TJP3: variants seen among roughly 807,000 people sequenced by gnomAD.
TJP3 encodes tight junction protein 3.
TJP3 carries 85 observed loss-of-function variants against 104.2 expected under a neutral mutation model. The observed-to-expected ratio is 0.82, with a 90% confidence interval of 0.68 to 0.98. The LOEUF (loss-of-function observed/expected upper bound fraction) is 0.98. TJP3 is among the 50% of genes least tolerant of loss of function. The probability of loss-of-function intolerance (pLI) is 0.00; values close to 1 mark genes in which losing one functional copy is unlikely to be tolerated. For missense variants in TJP3, 1,367 were observed against 1,322.8 expected (o/e 1.03, Z -0.52); for synonymous variants, 550 against 550.6 (o/e 1.00, Z 0.02).
At chr19:3,728,552 C>A (rs754359728) in intron 2 of TJP3, 52 bp from the exon 3 acceptor site, 225 of 1,599,290 alleles carry the variant, frequency 1.4e-4, no homozygotes, top group Non-Finnish European at 1.8e-4. Context: ...AGAGGGGAGA[C>A]CCTTTACCCT....
rs775639099 is a variant in TJP3 at position 3,730,687 on chromosome 19, G to A, written c.594G>A (p.Val198=). The A allele has an allele frequency of 2.5e-6, 4 of 1,608,674 alleles. No individual in the cohort carries two copies. Among genetic ancestry groups the A allele is most frequent in the South Asian group, 1.1e-5 (1 of 91,078 alleles). The change falls in exon 5 of 21, where the codon GTG becomes GTA. Residue 198 remains valine, a synonymous_variant. Coordinates refer to ENST00000541714, the MANE Select transcript of TJP3 (RefSeq NM_001267560.2). The surrounding 1 kb of genome is among the most constrained non-coding windows in gnomAD (Gnocchi z 7.3). ...VQMKPVKSVL[V]KRRDSEEFGV... Reference sequence around the variant, plus strand: ...TGAAGCCTGTGAAGTCAGTGCTGGTGAAGAGGAGAGACAGCGAAGGTCAGA... The same window carrying A: ...TGAAGCCTGTGAAGTCAGTGCTGGTAAAGAGGAGAGACAGCGAAGGTCAGA...
chr19:3,728,518 A>G (rs1183838781), intron 2 of TJP3, 38 bp downstream of exon 2: 2 of 1,601,788 alleles, frequency 1.2e-6, no homozygotes, highest in South Asian at 2.2e-5. Flanking sequence ...GCCAGAGAGT[A>G]TGGCGGCTTA....
chr19:3,730,800 C>T lies in TJP3; in HGVS notation c.613+94C>T, dbSNP rs2036662358. ...GTTTCAAGTGATTCTCCTGCCTCAG[C>T]CTCCCTGGTGGCTGGGACTCCAGGC... On this transcript the variant is annotated intron_variant, in intron 5 of 20. Transcript: ENST00000541714. This position sits in a 1 kb window ranked among gnomAD's most constrained non-coding sequence, Gnocchi z 7.3. 7.3e-7 allele frequency: 1 copy of T among 1,368,498 alleles called. No individual in the cohort carries two copies. Among genetic ancestry groups the T allele is most frequent in the Non-Finnish European group, 9.7e-7 (1 of 1,025,846 alleles). 84.8% of individuals were successfully genotyped at this position (1,368,498 alleles called of 1,614,324 possible). A position where few individuals can be genotyped will look rare whatever the true frequency, so the allele number is the denominator to read the frequency against.
chr19:3,748,515 G>A (rs895496340), intron 19 of TJP3, among the ~76,000 whole-genome samples: 9 of 150,142 alleles, frequency 6.0e-5, no homozygotes, highest in East Asian at 2.0e-4. Context: ...TAATCCACCC[G>A]CCTTGGCCTC....
intron 3 of TJP3, among the ~76,000 whole-genome samples, chr19:3,729,225 C>T (rs1026376827): frequency 6.6e-6 from 1 of 151,980 alleles, no homozygotes; most frequent in African/African-American, 2.4e-5. Context: ...GGCCCCAGAG[C>T]CCTTTTGGAA....
chr19:3,742,737 G>C (rs1306089931), intron 14 of TJP3, among the ~76,000 whole-genome samples: 10 of 35,542 alleles, frequency 2.8e-4, no homozygotes, highest in Non-Finnish European at 4.7e-4. Flanking sequence ...TTTGGGAGGT[G>C]GGTGGATCAC....
intron 1 of TJP3, among the ~76,000 whole-genome samples, chr19:3,719,009 C>A (rs950656408): frequency 6.6e-6 from 1 of 151,830 alleles, no homozygotes; most frequent in African/African-American, 2.4e-5. Flanking sequence ...CATGGTGAAA[C>A]CCCGTCTCTA....
intron 19 of TJP3, 40 bp downstream of exon 19, chr19:3,748,121 G>A (rs1051812795): frequency 3.2e-5 from 48 of 1,506,760 alleles, no homozygotes; most frequent in African/African-American, 1.1e-4. Flanking sequence ...AAGGGTCTCC[G>A]GAGGGGATGC....
intron 1 of TJP3, among the ~76,000 whole-genome samples, chr19:3,710,751 G>A (rs1200009562): frequency 1.3e-5 from 2 of 151,998 alleles, no homozygotes; most frequent in African/African-American, 4.8e-5. Flanking sequence ...CCAGGCCTTG[G>A]AGATTCAGCA....
intron 1 of TJP3, among the ~76,000 whole-genome samples, chr19:3,711,853 T>C (rs973757658): frequency 2.0e-5 from 3 of 152,254 alleles, no homozygotes; most frequent in Non-Finnish European, 4.4e-5. Flanking sequence ...CTTTCTTTTT[T>C]TTAAAAATTG....
In TJP3 at chr19:3,734,423, C is replaced by G. The variant is rs774512601; in HGVS notation, c.974C>G (p.Thr325Ser). Residue 325 changes from threonine (T) to serine (S), a missense_variant, in exon 8 of 21, where the codon ACC becomes AGC. Physicochemically the swap from Thr to Ser is moderately conservative, Grantham distance 58. Coordinates refer to ENST00000541714, the MANE Select transcript of TJP3 (RefSeq NM_001267560.2). Reference protein sequence around the residue: ...HAQRSPEASQTDSPVESPRLR... With the variant: ...HAQRSPEASQSDSPVESPRLR... ...CAGCGGAGCCCCGAGGCCAGCCAGA[C>G]CGACTCTCCCGTGTAAGTATCACCC... The G allele has an allele frequency of 5.8e-5, 93 of 1,608,166 alleles. No homozygotes were observed. The highest frequency in any genetic ancestry group is 7.2e-5 in the Non-Finnish European group (85 of 1,178,258).
chr19:3,714,458 G>A (rs991837520), intron 1 of TJP3, among the ~76,000 whole-genome samples: 20 of 151,694 alleles, frequency 1.3e-4, no homozygotes, highest in African/African-American at 4.6e-4. Context: ...GATTACAGAT[G>A]TGAGCCACCG....
chr19:3,747,728 G>C, intron 18 of TJP3, 66 bp from the exon 19 acceptor site: 2 of 1,454,072 alleles, frequency 1.4e-6, no homozygotes, highest in Non-Finnish European at 1.8e-6. Flanking sequence ...GAAGGTGGGG[G>C]GATGTCGTGG....
At chr19:3,727,290 G>T (rs2036609416) in intron 1 of TJP3, among the ~76,000 whole-genome samples, 1 of 151,896 alleles carries the variant, frequency 6.6e-6, no homozygotes, top group Non-Finnish European at 1.5e-5. Flanking sequence ...AGACCAGCCT[G>T]GCCAACATAG....
In TJP3 at chr19:3,750,766, C is replaced by G. The variant is rs958423363; in HGVS notation, c.*82C>G. ...CAGTTTCCCATACAGAACCCACAACCTTACCTCCCTCCGCCTGGTCTTTAA... is the reference window on the plus strand; with the variant it reads ...CAGTTTCCCATACAGAACCCACAACGTTACCTCCCTCCGCCTGGTCTTTAA... On this transcript the variant is annotated 3_prime_UTR_variant, in exon 21 of 21. Transcript: ENST00000541714. 8.2e-7 allele frequency: 1 copy of G among 1,225,778 alleles called. No homozygotes were observed. Among genetic ancestry groups the G allele is most frequent in the Non-Finnish European group, 1.2e-6 (1 of 854,098 alleles). 75.9% of individuals were successfully genotyped at this position (1,225,778 alleles called of 1,614,324 possible). A position where few individuals can be genotyped will look rare whatever the true frequency, so the allele number is the denominator to read the frequency against.
At chr19:3,734,847 G>A (rs1384604783) in intron 8 of TJP3, among the ~76,000 whole-genome samples, 1 of 152,132 alleles carries the variant, frequency 6.6e-6, no homozygotes, top group African/African-American at 2.4e-5. Flanking sequence ...TCAGCTACTT[G>A]GGAGGCTGAG....
intron 1 of TJP3, among the ~76,000 whole-genome samples, chr19:3,718,468 G>T (rs8105616): frequency 0.63 from 87,706 of 139,566 alleles, 28,077 homozygotes; most frequent in East Asian, 0.95. Context: ...TTTTTTTTTT[G>T]GGGTGGTGGG....
In TJP3 at chr19:3,735,939, T is replaced by G; in HGVS notation, c.1127+4T>G. 6.2e-7 allele frequency: 1 copy of G among 1,614,102 alleles called. No individual in the cohort carries two copies. The highest frequency in any genetic ancestry group is 8.5e-7 in the Non-Finnish European group (1 of 1,180,006). On this transcript the variant is annotated splice_donor_region_variant and intron_variant, in intron 10 of 20. Coordinates refer to ENST00000541714, the MANE Select transcript of TJP3 (RefSeq NM_001267560.2). Reference sequence around the variant, plus strand: ...GTCAGAGCATGGAGGATCGTGGGTATGTACCCCAGAAGAAAGCAAACCCGC... The same window carrying G: ...GTCAGAGCATGGAGGATCGTGGGTAGGTACCCCAGAAGAAAGCAAACCCGC...
At chr19:3,713,762 C>G (rs2036453166) in intron 1 of TJP3, among the ~76,000 whole-genome samples, 2 of 151,854 alleles carry the variant, frequency 1.3e-5, no homozygotes, top group Non-Finnish European at 2.9e-5. Flanking sequence ...CGCCCAGGCT[C>G]TGGAGTGCAG....
Sources: allele counts gnomAD v4.1 joint callset (sites outside exome capture counted in the v4.1 genomes callset), GRCh38; gene constraint gnomAD v4.1.1; non-coding constraint Gnocchi (gnomAD v3.1); transcripts MANE v1.5; gene names NCBI Gene and HGNC (gene_info 2026-07-23, HGNC 2026-07-21).